The following DIPK1B variants were observed in gnomAD, a reference collection of about 807,000 sequenced individuals.
The protein encoded by DIPK1B is divergent protein kinase domain 1B.
In DIPK1B, 17 loss-of-function variants were observed where a neutral mutation model predicts 20.7. The ratio of observed to expected loss-of-function variants is 0.82; its 90% CI spans 0.56 to 1.23. The LOEUF is 1.23. Ranked by LOEUF, DIPK1B falls within the 50% of genes most tolerant of loss-of-function variation. The probability of loss-of-function intolerance (pLI) is 0.00; values close to 1 mark genes in which losing one functional copy is unlikely to be tolerated. For synonymous variants in DIPK1B, 343 were observed against 276.5 expected (o/e 1.24, Z -2.39); for missense variants, 648 against 601.8 (o/e 1.08, Z -0.80).
rs1564304718 is a variant in DIPK1B at position 136,712,634 on chromosome 9, C to T, written c.-32C>T. The stretch of plus-strand genomic sequence containing the variant: ...GCCGGGGCTGAGGCCGAGCGAGCCG[C>T]GGGGCCCGCGCAGCCCCGGCCGGAG... On this transcript the variant is annotated 5_prime_UTR_variant, in exon 1 of 5. Coordinates refer to ENST00000371692, the MANE Select transcript of DIPK1B (RefSeq NM_152421.4). The surrounding 1 kb of genome is among the most constrained non-coding windows in gnomAD (Gnocchi z 5.6). 2.7e-6 allele frequency: 3 copies of T among 1,101,288 alleles called. No homozygotes were observed. The highest frequency in any genetic ancestry group is 3.3e-6 in the Non-Finnish European group (3 of 901,930). 68.2% of individuals were successfully genotyped at this position (1,101,288 alleles called of 1,614,324 possible).
chr9:136,712,765 C>T lies in DIPK1B; in HGVS notation c.63+37C>T, dbSNP rs1430347232. On this transcript the variant is annotated intron_variant, in intron 1 of 4. Transcript: ENST00000371692. This position sits in a 1 kb window ranked among gnomAD's most constrained non-coding sequence, Gnocchi z 5.6. The stretch of plus-strand genomic sequence containing the variant: ...GCGCGCCCGCCGCCCCCGGCCGCCT[C>T]TGCCTGGGGAGGCCGAGCTCCAGCC... The T allele has an allele frequency of 7.7e-7, 1 of 1,301,688 alleles. No homozygotes were observed. Among genetic ancestry groups the T allele is most frequent in the Non-Finnish European group, 9.7e-7 (1 of 1,027,238 alleles). The allele number at this position is 1,301,688 out of a possible 1,614,324, so 80.6% of individuals were successfully genotyped here. A position where few individuals can be genotyped will look rare whatever the true frequency, so the allele number is the denominator to read the frequency against.
intron 4 of DIPK1B, chr9:136,722,634 C>T (rs565945068): frequency 1.8e-4 from 102 of 561,540 alleles, no homozygotes; most frequent in African/African-American, 7.5e-5. Context: ...TCAGCCAGTG[C>T]GTGCCCTCTG....
chr9:136,722,017 C>T lies in DIPK1B; in HGVS notation c.295C>T (p.Pro99Ser). 1.2e-6 allele frequency: 2 copies of T among 1,613,246 alleles called. No homozygotes were observed. The highest frequency in any genetic ancestry group is 1.7e-6 in the Non-Finnish European group (2 of 1,179,900). The change falls in exon 3 of 5, where the codon CCG becomes TCG. Residue 99 changes from proline to serine, a missense_variant. Coordinates refer to ENST00000371692, the MANE Select transcript of DIPK1B (RefSeq NM_152421.4). The stretch of plus-strand genomic sequence containing the variant: ...GTGGAGGACCTGCCTCTCGGTGGCC[C>T]CGGGCCAGCAGGTATAGCCACTGGC... ...VEWRTCLSVA[P>S]GQQVYSGLWR... is the part of the protein sequence containing the mutation.
intron 4 of DIPK1B, 51 bp from the exon 5 acceptor site, chr9:136,722,911 C>T (rs768546669): frequency 1.3e-6 from 2 of 1,522,894 alleles, no homozygotes; most frequent in Non-Finnish European, 1.8e-6. Flanking sequence ...AGGTCGTGCT[C>T]CCAGACATCA....
chr9:136,712,870 G>C lies in DIPK1B; in HGVS notation c.63+142G>C. 1 of 409,770 alleles carries C rather than the reference G, an allele frequency of 2.4e-6. No individual in the cohort carries two copies. The allele number at this position is 409,770 out of a possible 1,614,324, so 25.4% of individuals were successfully genotyped here. ...GAGCCCGGGGTGGGCAGCGGGGAGGGGGCGAGTGGCTCCGGAAGGACGGGA... is the reference window on the plus strand; with the variant it reads ...GAGCCCGGGGTGGGCAGCGGGGAGGCGGCGAGTGGCTCCGGAAGGACGGGA... On this transcript the variant is annotated intron_variant, in intron 1 of 4. Coordinates refer to ENST00000371692, the MANE Select transcript of DIPK1B (RefSeq NM_152421.4). The surrounding 1 kb of genome is among the most constrained non-coding windows in gnomAD (Gnocchi z 5.6).
chr9:136,714,736 C>A (rs1588279991), intron 1 of DIPK1B, among the ~76,000 whole-genome samples: 1 of 152,232 alleles, frequency 6.6e-6, no homozygotes, highest in Admixed American at 6.5e-5. Context: ...TGGAGGGCTC[C>A]CCACACCGGA....
At chr9:136,714,801 C>G (rs1316349727) in intron 1 of DIPK1B, among the ~76,000 whole-genome samples, 1 of 152,208 alleles carries the variant, frequency 6.6e-6, no homozygotes. Context: ...GAGGTCTGGG[C>G]CCTTCCCCAG....
chr9:136,724,009 C>G lies in DIPK1B; in HGVS notation c.*235C>G. ...CAAGGGGGTTTGTTACTCTGAAGAA[C>G]GTAATGTCAATAAACAGCTTTTATG... On this transcript the variant is annotated 3_prime_UTR_variant, in exon 5 of 5. Coordinates refer to ENST00000371692, the MANE Select transcript of DIPK1B (RefSeq NM_152421.4). 1.8e-6 allele frequency: 1 copy of G among 570,686 alleles called. No homozygotes were observed. Among genetic ancestry groups the G allele is most frequent in the South Asian group, 2.0e-5 (1 of 49,490 alleles). 35.4% of individuals were successfully genotyped at this position (570,686 alleles called of 1,614,324 possible). A position where few individuals can be genotyped will look rare whatever the true frequency, so the allele number is the denominator to read the frequency against.
intron 2 of DIPK1B, among the ~76,000 whole-genome samples, chr9:136,718,177 A>C (rs1161183966): frequency 6.4e-5 from 6 of 94,384 alleles, no homozygotes; most frequent in African/African-American, 1.8e-4. Context: ...CCTGGGATAG[A>C]GACCACCGTG....
Position 136,723,615 on chromosome 9 carries a change from T to A in DIPK1B, c.1137T>A (p.Pro379=), listed in dbSNP as rs1291346358. ...CACTGCTACGGGGCTACCTGCTGCC[T>A]GGCGCGCCCGCCGACCTCCGCGAGG... ...VCALLRGYLL[P]GAPADLREEL... Residue 379 remains proline, a synonymous_variant, in exon 5 of 5, where the codon CCT becomes CCA. Coordinates refer to ENST00000371692, the MANE Select transcript of DIPK1B (RefSeq NM_152421.4). The A allele has an allele frequency of 6.3e-7, 1 of 1,582,422 alleles. No individual in the cohort carries two copies. The highest frequency in any genetic ancestry group is 1.3e-5 in the African/African-American group (1 of 74,384).
intron 2 of DIPK1B, among the ~76,000 whole-genome samples, chr9:136,718,152 T>C (rs1846529945): frequency 7.5e-6 from 1 of 132,702 alleles, no homozygotes; most frequent in Non-Finnish European, 1.6e-5. Context: ...GACCCCCGTG[T>C]GCTGGCCTCA....
intron 2 of DIPK1B, among the ~76,000 whole-genome samples, chr9:136,720,463 G>GGAAT (rs1407827697): frequency 2.0e-5 from 3 of 151,456 alleles, no homozygotes; most frequent in Non-Finnish European, 2.9e-5. Context: ...TGTACATCCA[G>GGAAT]GAATTCTCCC....
In DIPK1B at chr9:136,723,997, T is replaced by A; in HGVS notation, c.*223T>A. The A allele has an allele frequency of 1.7e-6, 1 of 587,082 alleles. No homozygotes were observed. The highest frequency in any genetic ancestry group is 2.9e-5 in the East Asian group (1 of 34,864). 36.4% of individuals were successfully genotyped at this position (587,082 alleles called of 1,614,324 possible). A position where few individuals can be genotyped will look rare whatever the true frequency, so the allele number is the denominator to read the frequency against. On this transcript the variant is annotated 3_prime_UTR_variant, in exon 5 of 5. Transcript: ENST00000371692. ...AGGAGAGTCCTCCAAGGGGGTTTGT[T>A]ACTCTGAAGAACGTAATGTCAATAA...
At position 136,721,902 on chromosome 9, in the gene DIPK1B, C is replaced by T; in HGVS notation, c.199-19C>T. ...GGGTGTGGCTGCCCCGCCCGGCACG[C>T]CTGCACCTGTCTCCTCAGTGTGACC... On this transcript the variant is annotated intron_variant, in intron 2 of 4. Transcript: ENST00000371692. 2 of 1,610,404 alleles carry T rather than the reference C, an allele frequency of 1.2e-6. No homozygotes were observed. The highest frequency in any genetic ancestry group is 1.7e-6 in the Non-Finnish European group (2 of 1,178,808).
chr9:136,715,810 G>A (rs558725239), intron 1 of DIPK1B, among the ~76,000 whole-genome samples: 126 of 152,138 alleles, frequency 8.3e-4, no homozygotes, highest in African/African-American at 2.7e-3. Flanking sequence ...CACCACGCCC[G>A]ACCTTAATTT....
At position 136,717,570 on chromosome 9, in the gene DIPK1B, C is replaced by T. The variant is rs1342635466; in HGVS notation, c.64-7C>T. 6.3e-7 allele frequency: 1 copy of T among 1,597,790 alleles called. No homozygotes were observed. The highest frequency in any genetic ancestry group is 1.7e-5 in the Admixed American group (1 of 59,760). On this transcript the variant is annotated splice_polypyrimidine_tract_variant and splice_region_variant and intron_variant, in intron 1 of 4. Transcript: ENST00000371692. ...GGCACCTCCTCACGCAGCCCCTTCC[C>T]CCACAGGGCCGGCTCCCAGGCCTCA...
Position 136,722,019 on chromosome 9 carries a change from G to T in DIPK1B, c.297G>T (p.Pro99=). ...VEWRTCLSVA[P]GQQVYSGLWR... ...GGAGGACCTGCCTCTCGGTGGCCCC[G>T]GGCCAGCAGGTATAGCCACTGGCAG... The change falls in exon 3 of 5, where the codon CCG becomes CCT. Residue 99 remains proline (P), a synonymous_variant. Coordinates refer to ENST00000371692, the MANE Select transcript of DIPK1B (RefSeq NM_152421.4). 2 of 1,612,704 alleles carry T rather than the reference G, an allele frequency of 1.2e-6. No individual in the cohort carries two copies. The highest frequency in any genetic ancestry group is 8.5e-7 in the Non-Finnish European group (1 of 1,179,758).
intron 1 of DIPK1B, among the ~76,000 whole-genome samples, chr9:136,715,470 G>A (rs537199547): frequency 3.3e-5 from 5 of 152,212 alleles, no homozygotes; most frequent in East Asian, 1.9e-4. Flanking sequence ...CCGGCTCCCA[G>A]ACATCTGGGT....
chr9:136,720,471 C>A (rs1033292114), intron 2 of DIPK1B, among the ~76,000 whole-genome samples: 3 of 145,506 alleles, frequency 2.1e-5, no homozygotes, highest in Admixed American at 1.3e-4. Flanking sequence ...CAGGAATTCT[C>A]CCCCCCCCAG....
Sources: gnomAD v4.1 joint callset for allele counts (sites outside exome capture counted in the v4.1 genomes callset) on GRCh38, gnomAD v4.1.1 for gene constraint, Gnocchi (gnomAD v3.1) non-coding constraint, MANE v1.5 for transcripts, NCBI Gene and HGNC (gene_info 2026-07-23, HGNC 2026-07-21) for gene names.